Variants in PCDH11X observed in about 807,000 individuals in gnomAD.
PCDH11X encodes the protein protocadherin 11 X-linked, also known as protocadherin-11 X-linked.
Under a neutral mutation model 53.3 loss-of-function variants are expected in PCDH11X, and 18 were observed. The ratio of observed to expected loss-of-function variants is 0.34; its 90% CI spans 0.23 to 0.50. The LOEUF is 0.50. Among genes scored for constraint, PCDH11X ranks in the 20% least tolerant of loss-of-function variants. The probability of loss-of-function intolerance (pLI) is 0.98; values close to 1 mark genes in which losing one functional copy is unlikely to be tolerated. For synonymous variants in PCDH11X, 279 were observed against 393.3 expected (o/e 0.71, Z 3.44); for missense variants, 570 against 1,032.4 (o/e 0.55, Z 6.14).
intron 8 of PCDH11X, among the ~76,000 whole-genome samples, chrX:92,294,521 A>G (rs777045094): frequency 8.9e-6 from 1 of 112,426 alleles, no homozygotes; most frequent in African/African-American, 3.2e-5. Context: ...TTTTATTCCA[A>G]TCTATCTTAA....
chrX:92,073,782 A>C (rs2063737129), intron 6 of PCDH11X, among the ~76,000 whole-genome samples: 1 of 111,802 alleles, frequency 8.9e-6, no homozygotes, highest in Non-Finnish European at 1.9e-5. Flanking sequence ...ATATTTCAAC[A>C]AAGATGGGGG....
intron 10 of PCDH11X, chrX:92,515,571 C>G (rs1321785878): frequency 1.6e-5 from 2 of 128,708 alleles, no homozygotes; most frequent in Non-Finnish European, 1.5e-5. Context: ...AAAGGGTTAC[C>G]TATTTACCGC....
intron 6 of PCDH11X, among the ~76,000 whole-genome samples, chrX:92,012,007 T>C (rs1193470169): frequency 9.0e-6 from 1 of 111,417 alleles, no homozygotes; most frequent in Non-Finnish European, 1.9e-5. Flanking sequence ...GAGGCAATTC[T>C]TGTTTTATGT....
chrX:91,960,306 T>C (rs1371726159), intron 6 of PCDH11X, among the ~76,000 whole-genome samples: 1 of 111,454 alleles, frequency 9.0e-6, no homozygotes, highest in Non-Finnish European at 1.9e-5. Context: ...TTTGCTTTTG[T>C]TGTTGTACTT....
At chrX:92,421,440 C>T (rs2071964424) in intron 9 of PCDH11X, among the ~76,000 whole-genome samples, 1 of 111,835 alleles carries the variant, frequency 8.9e-6, no homozygotes. Context: ...AGAACATGAT[C>T]TCATTCTCTT....
chrX:91,927,280 G>A (rs193007808), intron 6 of PCDH11X, among the ~76,000 whole-genome samples: 120 of 109,794 alleles, frequency 1.1e-3, no homozygotes, highest in Non-Finnish European at 1.9e-3. Flanking sequence ...CAGCAGTTAC[G>A]GAACATGACA....
chrX:92,364,929 AAAAAAAAAT>A (rs1331620316), intron 8 of PCDH11X, among the ~76,000 whole-genome samples: 1 of 84,887 alleles, frequency 1.2e-5, no homozygotes, highest in Non-Finnish European at 2.5e-5. Context: ...AAAAAAAAAA[AAAAAAAAAT>A]TTCTTTCTTT....
At chrX:92,409,190 A>G (rs2071591866) in intron 9 of PCDH11X, among the ~76,000 whole-genome samples, 1 of 108,213 alleles carries the variant, frequency 9.2e-6, no homozygotes, top group South Asian at 4.1e-4. Flanking sequence ...TGCAGGACCC[A>G]TTTGTGAGAA....
At chrX:91,819,994 C>G (rs1460875768) in intron 4 of PCDH11X, among the ~76,000 whole-genome samples, 1 of 97,676 alleles carries the variant, frequency 1.0e-5, no homozygotes, top group Non-Finnish European at 2.0e-5. Context: ...CTACAAAGGA[C>G]ATGAACTCAT....
chrX:92,093,800 G>A (rs1024935730), intron 6 of PCDH11X, among the ~76,000 whole-genome samples: 9 of 110,264 alleles, frequency 8.2e-5, no homozygotes, highest in Non-Finnish European at 1.7e-4. Context: ...GACTCATCAC[G>A]GAAAGTGACT....
chrX:92,434,344 G>A (rs1008578407), intron 9 of PCDH11X, among the ~76,000 whole-genome samples: 1 of 108,893 alleles, frequency 9.2e-6, no homozygotes, highest in Non-Finnish European at 1.9e-5. Context: ...ATAATTACAT[G>A]ATACTACTTT....
intron 6 of PCDH11X, among the ~76,000 whole-genome samples, chrX:92,074,302 A>T (rs6652288): frequency 0.015 from 1,664 of 111,116 alleles, 31 homozygotes; most frequent in African/African-American, 0.052. Flanking sequence ...GTTTTTCTAT[A>T]TTCTGATAAA....
chrX:92,304,753 C>T (rs114139903), intron 8 of PCDH11X, among the ~76,000 whole-genome samples: 1 of 112,057 alleles, frequency 8.9e-6, no homozygotes, highest in Non-Finnish European at 1.9e-5. Flanking sequence ...TCTAGCCTAT[C>T]CAATATTCTT....
intron 8 of PCDH11X, among the ~76,000 whole-genome samples, chrX:92,318,210 TA>T (rs2069122495): frequency 1.8e-5 from 2 of 111,710 alleles, no homozygotes; most frequent in African/African-American, 6.5e-5. Context: ...GTTTTCCTTA[TA>T]TTTTTATTGC....
intron 9 of PCDH11X, among the ~76,000 whole-genome samples, chrX:92,422,096 C>T (rs116521906): frequency 1.9e-5 from 2 of 107,091 alleles, no homozygotes; most frequent in African/African-American, 3.4e-5. Context: ...TGTTATATAC[C>T]GGCTCAGTGA....
chrX:91,892,259 A>G (rs746669816), intron 6 of PCDH11X, among the ~76,000 whole-genome samples: 9 of 106,417 alleles, frequency 8.5e-5, no homozygotes, highest in Admixed American at 7.1e-4. Flanking sequence ...TTCCAGTCTT[A>G]GTCACCAGTT....
At chrX:92,245,702 T>C (rs1016337397) in intron 7 of PCDH11X, among the ~76,000 whole-genome samples, 1 of 111,821 alleles carries the variant, frequency 8.9e-6, no homozygotes, top group Admixed American at 9.5e-5. Flanking sequence ...CTTTGACACA[T>C]TGGGCAGTCC....
intron 6 of PCDH11X, among the ~76,000 whole-genome samples, chrX:92,121,102 AT>A (rs2064754876): frequency 1.8e-5 from 2 of 110,835 alleles, no homozygotes; most frequent in Admixed American, 1.9e-4. Flanking sequence ...TTTTAGTAGC[AT>A]GATCATTCAT....
chrX:92,133,095 C>T (rs1216133695), intron 6 of PCDH11X, among the ~76,000 whole-genome samples: 2 of 110,381 alleles, frequency 1.8e-5, no homozygotes, highest in Admixed American at 9.8e-5. Flanking sequence ...ATTGCACATT[C>T]GTTTATATAT....
Sources: allele counts gnomAD v4.1 joint callset (sites outside exome capture counted in the v4.1 genomes callset), GRCh38; gene constraint gnomAD v4.1.1; transcripts MANE v1.5; gene names NCBI Gene and HGNC (gene_info 2026-07-23, HGNC 2026-07-21).